GGA1: variants seen among roughly 807,000 people sequenced by gnomAD.
GGA1 encodes the protein ADP-ribosylation factor-binding protein GGA1.
In GGA1, 18 loss-of-function variants were observed where a neutral mutation model predicts 76.9. The ratio of observed to expected loss-of-function variants is 0.23; its 90% CI spans 0.16 to 0.35. GGA1 has a LOEUF of 0.35. GGA1 is among the 10% of genes least tolerant of loss of function. The pLI is 1.00. For missense variants in GGA1, 755 were observed against 859.0 expected (o/e 0.88, Z 1.51); for synonymous variants, 342 against 354.7 (o/e 0.96, Z 0.40).
At position 37,625,727 on chromosome 22, in the gene GGA1, C is replaced by T. The variant is rs200959237; in HGVS notation, c.941-70C>T. On this transcript the variant is annotated intron_variant, in intron 10 of 16. Transcript: ENST00000343632. The surrounding 1 kb of genome is among the most constrained non-coding windows in gnomAD (Gnocchi z 4.1). Reference sequence around the variant, plus strand: ...CATCGGGGGTTAGGTGTTGCTCCCCCGCAACCCCTGTGGACTCTGAGAGAC... The same window carrying T: ...CATCGGGGGTTAGGTGTTGCTCCCCTGCAACCCCTGTGGACTCTGAGAGAC... The T allele has an allele frequency of 1.1e-3, 1,393 of 1,261,576 alleles. 5 individuals carry two copies. The highest frequency in any genetic ancestry group is 9.6e-4 in the Non-Finnish European group (898 of 934,144). 78.1% of individuals were successfully genotyped at this position (1,261,576 alleles called of 1,614,324 possible).
In GGA1 at chr22:37,623,337, G is replaced by A. The variant is rs777506059; in HGVS notation, c.620G>A (p.Arg207Gln). Residue 207 changes from arginine (R) to glutamine (Q), a missense_variant, in exon 8 of 17, where the codon CGG becomes CAG. Physicochemically the swap from Arg to Gln is conservative, Grantham distance 43 (BLOSUM62 1). Coordinates refer to ENST00000343632, the MANE Select transcript of GGA1 (RefSeq NM_013365.5). This position sits in a 1 kb window ranked among gnomAD's most constrained non-coding sequence, Gnocchi z 4.6. ...IKEMVQEDQK[R>Q]MEKISKRVNA... ...CCAATGTGTCCCCAGGACCAGAAGC[G>A]GATGGAGAAGATCTCGAAGAGGGTG... 2.0e-5 allele frequency: 33 copies of A among 1,613,970 alleles called. No individual in the cohort carries two copies. Among genetic ancestry groups the A allele is most frequent in the East Asian group, 2.2e-5 (1 of 44,898 alleles).
intron 11 of GGA1, among the ~76,000 whole-genome samples, chr22:37,627,427 G>A (rs1043338175): frequency 6.6e-6 from 1 of 152,158 alleles, no homozygotes; most frequent in Non-Finnish European, 1.5e-5. Context: ...AGCTGCTTAC[G>A]AGCCCCATGC....
At chr22:37,609,424 C>A in intron 1 of GGA1, 1 of 697,982 alleles carries the variant, frequency 1.4e-6, no homozygotes, top group Non-Finnish European at 1.9e-6. Context: ...TTGATTCCTC[C>A]CGCCGCTCCT....
In GGA1 at chr22:37,624,218, C is replaced by T. The variant is rs1037363526; in HGVS notation, c.832+585C>T. 1.2e-5 allele frequency: 2 copies of T among 160,260 alleles called. No individual in the cohort carries two copies. The highest frequency in any genetic ancestry group is 4.8e-5 in the African/African-American group (2 of 41,530). The allele number at this position is 160,260 out of a possible 1,614,324, so 9.9% of individuals were successfully genotyped here. A position where few individuals can be genotyped will look rare whatever the true frequency, so the allele number is the denominator to read the frequency against. On this transcript the variant is annotated intron_variant, in intron 9 of 16. Transcript: ENST00000343632. The surrounding 1 kb of genome is among the most constrained non-coding windows in gnomAD (Gnocchi z 4.3). ...GGCTCACTGCCCAGATTGCCCCACA[C>T]CCTGGCACCTGGGGAAGGCAGTGTT...
Position 37,616,968 on chromosome 22 carries a change from C to T in GGA1, c.175C>T (p.Gln59Ter). 6.2e-7 allele frequency: 1 copy of T among 1,609,612 alleles called. No individual in the cohort carries two copies. Among genetic ancestry groups the T allele is most frequent in the Non-Finnish European group, 8.5e-7 (1 of 1,178,104 alleles). ...GCTGGCCCACAAGATCCAGTCCCCA[C>T]AGGAGTGGGAGGCGATCCAGGCCTT... ...RLLAHKIQSP[Q>*]EWEAIQALTV... is the part of the protein sequence containing the mutation. The change falls in exon 3 of 17, where the codon CAG (glutamine) becomes TAG (stop). Residue 59 changes from glutamine to a stop codon, truncating the protein, a stop_gained. Coordinates refer to ENST00000343632, the MANE Select transcript of GGA1 (RefSeq NM_013365.5). LOFTEE classifies it high-confidence loss of function.
At chr22:37,622,456 A>G (rs1426518753) in intron 7 of GGA1, among the ~76,000 whole-genome samples, 1 of 149,456 alleles carries the variant, frequency 6.7e-6, no homozygotes, top group Non-Finnish European at 1.5e-5. Context: ...TTGAGACAAG[A>G]TCTCATCCTG....
chr22:37,620,457 C>A, intron 5 of GGA1, 96 bp downstream of exon 5: 5 of 1,332,654 alleles, frequency 3.8e-6, no homozygotes, highest in Non-Finnish European at 5.4e-6. Flanking sequence ...TCTGAGCCAG[C>A]AAGGTCATGG....
chr22:37,618,360 G>T (rs1472553748), intron 3 of GGA1, 88 bp from the exon 4 acceptor site: 1 of 730,590 alleles, frequency 1.4e-6, no homozygotes, highest in African/African-American at 1.7e-5. Context: ...CCCACCCATG[G>T]GCTTCTGGCC....
At chr22:37,621,422 G>A (rs1353095223) in intron 6 of GGA1, among the ~76,000 whole-genome samples, 194 bp from the exon 7 acceptor site, 1 of 152,184 alleles carries the variant, frequency 6.6e-6, no homozygotes, top group Admixed American at 6.5e-5. Context: ...GCTGTGGTGT[G>A]CACTTTACAT....
intron 3 of GGA1, 96 bp from the exon 4 acceptor site, chr22:37,618,352 C>A: frequency 1.4e-6 from 1 of 692,204 alleles, no homozygotes. Flanking sequence ...TCTGAAAGCC[C>A]ACCCATGGGC....
Position 37,620,877 on chromosome 22 carries a change from G to A in GGA1, c.492G>A (p.Pro164=), listed in dbSNP as rs758697539. 6.2e-6 allele frequency: 10 copies of A among 1,611,798 alleles called. No homozygotes were observed. Among genetic ancestry groups the A allele is most frequent in the Middle Eastern group, 3.3e-4 (2 of 6,076 alleles). Residue 164 remains proline (P), a synonymous_variant, in exon 6 of 17, where the codon CCG becomes CCA. Coordinates refer to ENST00000343632, the MANE Select transcript of GGA1 (RefSeq NM_013365.5). Reference sequence around the variant, plus strand: ...CCTTTCCCCTTCCTCCTCCACGGCCGAAGAATGTGATCTTTGAAGATGAGG... The same window carrying A: ...CCTTTCCCCTTCCTCCTCCACGGCCAAAGAATGTGATCTTTGAAGATGAGG... ...DTTFPLPPPR[P]KNVIFEDEEK... is the part of the protein sequence containing the mutation.
Position 37,631,089 on chromosome 22 carries a change from C to T in GGA1, c.1518C>T (p.Ser506=). 1.3e-6 allele frequency: 2 copies of T among 1,583,708 alleles called. No homozygotes were observed. The highest frequency in any genetic ancestry group is 1.7e-6 in the Non-Finnish European group (2 of 1,166,762). ...CCAGCATCACTGTGCCCCTGGAGTCCATCAAACCCAGTGAGTAGGGCTGGG... is the reference window on the plus strand; with the variant it reads ...CCAGCATCACTGTGCCCCTGGAGTCTATCAAACCCAGTGAGTAGGGCTGGG... The part of the protein sequence containing the change: ...SLASITVPLE[S]IKPSNILPVT... The change falls in exon 14 of 17, where the codon TCC becomes TCT. Residue 506 remains serine (S), a synonymous_variant. Coordinates refer to ENST00000343632, the MANE Select transcript of GGA1 (RefSeq NM_013365.5).
At position 37,623,295 on chromosome 22, in the gene GGA1, T is replaced by G. The variant is rs762013825; in HGVS notation, c.610-32T>G. 6.2e-7 allele frequency: 1 copy of G among 1,610,112 alleles called. No individual in the cohort carries two copies. Among genetic ancestry groups the G allele is most frequent in the Admixed American group, 1.7e-5 (1 of 59,994 alleles). On this transcript the variant is annotated intron_variant, in intron 7 of 16. Coordinates refer to ENST00000343632, the MANE Select transcript of GGA1 (RefSeq NM_013365.5). This position sits in a 1 kb window ranked among gnomAD's most constrained non-coding sequence, Gnocchi z 4.6. ...GGCAGTGCCTCGTCCAGGCCAAAGG[T>G]TCTCAGGGGCCCTTGGCCAATGTGT... is the stretch of plus-strand genomic sequence containing the variant.
Position 37,609,142 on chromosome 22 carries a change from C to T in GGA1, c.43+239C>T, listed in dbSNP as rs1367948207. On this transcript the variant is annotated intron_variant, in intron 1 of 16. Transcript: ENST00000343632. ...CCTGTCGGATCCCTGGGCCATGACCCCTGGGACGGCGAGTGAGCTGCGCCG... is the reference window on the plus strand; with the variant it reads ...CCTGTCGGATCCCTGGGCCATGACCTCTGGGACGGCGAGTGAGCTGCGCCG... The T allele has an allele frequency of 8.9e-6, 13 of 1,467,780 alleles. No homozygotes were observed. In the African/African-American group the frequency reaches 1.5e-4, roughly 17 times the overall value. 90.9% of individuals were successfully genotyped at this position (1,467,780 alleles called of 1,614,324 possible).
intron 1 of GGA1, 192 bp downstream of exon 1, chr22:37,609,095 C>A: frequency 1.3e-6 from 2 of 1,488,892 alleles, no homozygotes; most frequent in Non-Finnish European, 1.8e-6. Flanking sequence ...CGCGGTCCAG[C>A]GGTGGGAGCG....
At chr22:37,616,605 G>A (rs374030763) in intron 2 of GGA1, among the ~76,000 whole-genome samples, 3 of 152,302 alleles carry the variant, frequency 2.0e-5, no homozygotes, top group African/African-American at 4.8e-5. Context: ...AGCCAAGGAC[G>A]TGACACATCA....
chr22:37,621,805 C>T (rs1181486113), intron 7 of GGA1, 109 bp downstream of exon 7: 4 of 676,032 alleles, frequency 5.9e-6, no homozygotes, highest in East Asian at 3.0e-5. Context: ...TGCAGTGACC[C>T]GGGCTGGCAC....
intron 2 of GGA1, among the ~76,000 whole-genome samples, chr22:37,615,169 G>T (rs1285149665): frequency 2.0e-5 from 3 of 152,110 alleles, no homozygotes; most frequent in Non-Finnish European, 4.4e-5. Context: ...AAATAGGCCA[G>T]GCATGGTGGC....
intron 2 of GGA1, among the ~76,000 whole-genome samples, chr22:37,615,392 T>G (rs1196977823): frequency 6.6e-6 from 1 of 151,626 alleles, no homozygotes; most frequent in Non-Finnish European, 1.5e-5. Context: ...GAAGTTGCAG[T>G]GAGCCAAGAT....
Sources: gnomAD v4.1 joint callset for allele counts (sites outside exome capture counted in the v4.1 genomes callset) on GRCh38, gnomAD v4.1.1 for gene constraint, Gnocchi (gnomAD v3.1) non-coding constraint, MANE v1.5 for transcripts, NCBI Gene and HGNC (gene_info 2026-07-23, HGNC 2026-07-21) for gene names.